The following ANOS1 variants were observed in gnomAD, a reference collection of about 807,000 sequenced individuals.
The protein encoded by ANOS1 is anosmin 1, also known as anosmin-1.
In ANOS1, 6 loss-of-function variants were observed where a neutral mutation model predicts 59.0. The ratio of observed to expected loss-of-function variants is 0.10; its 90% confidence interval spans 0.06 to 0.20. The LOEUF is 0.20. Ranked by LOEUF, ANOS1 falls within the 10% of genes least tolerant of loss-of-function variation. The pLI is 1.00. For synonymous variants in ANOS1, 217 were observed against 223.4 expected (o/e 0.97, Z 0.25); for missense variants, 433 against 542.3 (o/e 0.80, Z 2.00).
chrX:8,554,004 G>A lies in ANOS1; in HGVS notation c.1302C>T (p.Pro434=), dbSNP rs1476057995. Residue 434 remains proline (P), a synonymous_variant, in exon 9 of 14, where the codon CCC becomes CCT. Coordinates refer to ENST00000262648, the MANE Select transcript of ANOS1 (RefSeq NM_000216.4). ...CTTGCAGTTGGCCATCCTGATAGAA[G>A]GGAGCTCCGACTTCCAGCGGGCGAG... ...RPTRPLEVGA[P]FYQDGQLQVK... 4.1e-6 allele frequency: 5 copies of A among 1,207,285 alleles called. No individual in the cohort carries two copies. The highest frequency in any genetic ancestry group is 5.6e-6 in the Non-Finnish European group (5 of 892,520).
At chrX:8,551,342 A>T (rs1284192912) in intron 9 of ANOS1, among the ~76,000 whole-genome samples, 1 of 112,226 alleles carries the variant, frequency 8.9e-6, no homozygotes, top group African/African-American at 3.2e-5. Flanking sequence ...GCTTATCTCT[A>T]AAATTAAGAA....
intron 13 of ANOS1, among the ~76,000 whole-genome samples, chrX:8,533,781 A>T (rs759389879): frequency 9.0e-6 from 1 of 111,647 alleles, no homozygotes; most frequent in African/African-American, 3.2e-5. Flanking sequence ...AGTAATATCT[A>T]TGTAACAAGA....
intron 1 of ANOS1, among the ~76,000 whole-genome samples, chrX:8,706,706 T>A (rs980928413): frequency 9.0e-6 from 1 of 111,690 alleles, no homozygotes; most frequent in Non-Finnish European, 1.9e-5. Flanking sequence ...CTAAAACTGC[T>A]CTACAAAATA....
chrX:8,550,569 T>C (rs1025184829), intron 9 of ANOS1, among the ~76,000 whole-genome samples: 13 of 111,717 alleles, frequency 1.2e-4, no homozygotes, highest in Middle Eastern at 4.6e-3. Flanking sequence ...ACTAGAGGAC[T>C]ATCATTAGAA....
At chrX:8,571,186 C>T (rs1285409948) in intron 6 of ANOS1, among the ~76,000 whole-genome samples, 2 of 109,874 alleles carry the variant, frequency 1.8e-5, no homozygotes, top group Non-Finnish European at 3.8e-5. Flanking sequence ...TGTTAAGCCT[C>T]AAATTAAAAG....
chrX:8,543,851 T>G (rs1412654192), intron 9 of ANOS1, among the ~76,000 whole-genome samples: 1 of 110,567 alleles, frequency 9.0e-6, no homozygotes, highest in East Asian at 2.8e-4. Flanking sequence ...GCAACAACAG[T>G]AAAACTCTGT....
intron 9 of ANOS1, among the ~76,000 whole-genome samples, chrX:8,552,871 T>C (rs758022927): frequency 9.1e-6 from 1 of 109,655 alleles, no homozygotes; most frequent in African/African-American, 3.3e-5. Context: ...ATGCAATAAA[T>C]GTTGAATAAA....
intron 2 of ANOS1, among the ~76,000 whole-genome samples, chrX:8,667,542 A>T (rs1267786151): frequency 8.9e-6 from 1 of 111,935 alleles, no homozygotes; most frequent in Non-Finnish European, 1.9e-5. Context: ...CATTTTAAAT[A>T]GAAAAGCAGA....
intron 6 of ANOS1, among the ~76,000 whole-genome samples, chrX:8,579,717 C>T (rs1601962826): frequency 9.0e-6 from 1 of 111,060 alleles, no homozygotes; most frequent in African/African-American, 3.3e-5. Flanking sequence ...GAGCAAGCTC[C>T]GCCAGCATGC....
chrX:8,543,438 A>G (rs1287833286), intron 9 of ANOS1, among the ~76,000 whole-genome samples: 1 of 110,183 alleles, frequency 9.1e-6, no homozygotes, highest in East Asian at 2.9e-4. Flanking sequence ...CAATTCATAG[A>G]TATTTGCTTT....
At chrX:8,564,154 A>C (rs183403254) in intron 8 of ANOS1, among the ~76,000 whole-genome samples, 1 of 111,793 alleles carries the variant, frequency 8.9e-6, no homozygotes, top group Non-Finnish European at 1.9e-5. Context: ...GGTATGAGAA[A>C]AATTAAGACA....
intron 3 of ANOS1, among the ~76,000 whole-genome samples, chrX:8,601,378 G>A (rs763038942): frequency 6.3e-5 from 7 of 110,892 alleles, no homozygotes; most frequent in African/African-American, 2.3e-4. Flanking sequence ...TCCTGTATTC[G>A]TATATTATTC....
intron 8 of ANOS1, among the ~76,000 whole-genome samples, chrX:8,557,159 A>G (rs781090489): frequency 3.6e-5 from 4 of 112,321 alleles, no homozygotes; most frequent in African/African-American, 6.5e-5. Flanking sequence ...CTTTCACCTT[A>G]TACAAAACTT....
At chrX:8,669,368 T>G (rs1932217820) in intron 2 of ANOS1, among the ~76,000 whole-genome samples, 2 of 111,627 alleles carry the variant, frequency 1.8e-5, no homozygotes, top group Non-Finnish European at 3.8e-5. Context: ...AACCCCAATG[T>G]AAACTATGGA....
At chrX:8,689,415 G>C (rs1033203608) in intron 2 of ANOS1, among the ~76,000 whole-genome samples, 1 of 110,406 alleles carries the variant, frequency 9.1e-6, no homozygotes, top group African/African-American at 3.3e-5. Context: ...ACAGACTTCA[G>C]GCCGGTCTCC....
chrX:8,584,896 G>T (rs1246834728), intron 6 of ANOS1, among the ~76,000 whole-genome samples: 1 of 111,881 alleles, frequency 8.9e-6, no homozygotes, highest in African/African-American at 3.2e-5. Context: ...ATCATTTCAA[G>T]AAAGGCTATT....
At chrX:8,632,826 T>C (rs1423185293) in intron 2 of ANOS1, among the ~76,000 whole-genome samples, 1 of 111,050 alleles carries the variant, frequency 9.0e-6, no homozygotes, top group Non-Finnish European at 1.9e-5. Context: ...ATTCATATCA[T>C]ATAACAATGC....
At chrX:8,666,415 A>T (rs1232817265) in intron 2 of ANOS1, among the ~76,000 whole-genome samples, 1 of 111,596 alleles carries the variant, frequency 9.0e-6, no homozygotes, top group Non-Finnish European at 1.9e-5. Flanking sequence ...CCCAACCAGT[A>T]TTAGATTATT....
intron 2 of ANOS1, among the ~76,000 whole-genome samples, chrX:8,686,616 A>T (rs754945299): frequency 4.5e-5 from 5 of 111,867 alleles, no homozygotes; most frequent in Non-Finnish European, 9.4e-5. Context: ...GTATCTACCC[A>T]TTTCTCAAGG....
Sources: allele counts gnomAD v4.1 joint callset (sites outside exome capture counted in the v4.1 genomes callset), GRCh38; gene constraint gnomAD v4.1.1; transcripts MANE v1.5; gene names NCBI Gene and HGNC (gene_info 2026-07-23, HGNC 2026-07-21).